RBFOX1: variants seen among roughly 807,000 people sequenced by gnomAD.
RBFOX1 encodes RNA binding protein fox-1 homolog 1.
Under a neutral mutation model 57.7 loss-of-function variants are expected in RBFOX1, and 8 were observed. That is an observed-to-expected ratio of 0.14 (90% confidence interval 0.08 to 0.25). The LOEUF (loss-of-function observed/expected upper bound fraction) is 0.25, where lower values mean the gene tolerates loss of function less well. RBFOX1 is among the 10% of genes least tolerant of loss of function. The pLI is 1.00. For synonymous variants in RBFOX1, 326 were observed against 222.4 expected, an observed-to-expected ratio of 1.47 and a Z score of -4.15; for missense variants, 611 against 548.5, an observed-to-expected ratio of 1.11 and a Z score of -1.14.
rs1567226273 is a variant in RBFOX1, at chr16:5,556,024, A to AAAC, written c.259-42876_259-42875insCAA. Among the ~76,000 whole-genome samples the AAAC allele has an allele frequency of 3.9e-3, 591 of 152,022 alleles. 6 individuals are homozygous for AAAC. Among genetic ancestry groups the AAAC allele is most frequent in the African/African-American group, 0.013 (537 of 41,306 alleles). On this transcript the variant is annotated intron_variant, in intron 2 of 2. Transcript: ENST00000585867. ...CAAGAGAGTGAGACTCTGTCTCAAA[A>AAAC]AAACAAACAAACAAACAAACAAAGA...
intron 4 of RBFOX1, among the ~76,000 whole-genome samples, chr16:7,101,092 A>G (rs2062611800): frequency 6.6e-6 from 1 of 152,248 alleles, no homozygotes; most frequent in African/African-American, 2.4e-5. Context: ...AATAAAAGCT[A>G]GTATTCTCAT....
chr16:6,001,582 A>G lies in RBFOX1; in HGVS notation c.351+134247A>G, dbSNP rs536604191. Among the ~76,000 whole-genome samples the G allele has an allele frequency of 8.5e-5, 13 of 152,306 alleles. No homozygotes were observed. The South Asian group carries it at 2.7e-3, about 32-fold the overall frequency. ...AAGTGCGTAATTAAATATATACAAG[A>G]TGGATTTTAGATACTACAGAGACAA... On this transcript the variant is annotated intron_variant, in intron 4 of 19. Transcript: ENST00000641259.
At chr16:6,943,299 G>A (rs2078883164) in intron 3 of RBFOX1, among the ~76,000 whole-genome samples, 1 of 152,188 alleles carries the variant, frequency 6.6e-6, no homozygotes, top group African/African-American at 2.4e-5. Context: ...TAAAGAGGGT[G>A]TTAAAGCAAA....
At chr16:6,265,397 G>A (rs2074356308) in intron 1 of RBFOX1, among the ~76,000 whole-genome samples, 2 of 151,982 alleles carry the variant, frequency 1.3e-5, no homozygotes, top group Admixed American at 1.3e-4. Context: ...GAGTAGCTGG[G>A]ATTACAGGTG....
intron 4 of RBFOX1, among the ~76,000 whole-genome samples, chr16:7,428,817 A>G (rs1412649091): frequency 6.6e-6 from 1 of 152,030 alleles, no homozygotes; most frequent in Non-Finnish European, 1.5e-5. Context: ...TCTGAGACTC[A>G]GTCTTACTCA....
rs561937540 is a variant in RBFOX1, at chr16:5,405,495, C to T, written c.220-61721C>T. On this transcript the variant is annotated intron_variant, in intron 1 of 2. Coordinates refer to the RBFOX1 transcript ENST00000585867. ...TCCCCAGCCATGTGGAACTGTGAGT[C>T]CATTAAACCTTTTTTTCTTTATAAA... Among the ~76,000 whole-genome samples the T allele has an allele frequency of 2.0e-5, 3 of 152,262 alleles. No individual in the cohort carries two copies. The South Asian group carries it at 6.2e-4, about 32-fold the overall frequency.
At chr16:5,698,154 T>A (rs184905945) in intron 3 of RBFOX1, among the ~76,000 whole-genome samples, 1 of 152,308 alleles carries the variant, frequency 6.6e-6, no homozygotes, top group African/African-American at 2.4e-5. Context: ...TATTTGAGAT[T>A]TTTACATCTG....
At chr16:6,207,392 G>T (rs2097262491) in intron 1 of RBFOX1, among the ~76,000 whole-genome samples, 1 of 152,186 alleles carries the variant, frequency 6.6e-6, no homozygotes, top group Non-Finnish European at 1.5e-5. Flanking sequence ...GCATAATTCA[G>T]AAGCTAAACG....
At position 6,338,888 on chromosome 16, in the gene RBFOX1, G is replaced by T. The variant is rs553515014; in HGVS notation, c.-64+21831G>T. On this transcript the variant is annotated intron_variant, in intron 2 of 15. Transcript: ENST00000550418. Reference sequence around the variant, plus strand: ...ACAATAAAAGTTTTCTTCATTGAATGAATTAGTCAAGAACTCATTCTCATA... The same window carrying T: ...ACAATAAAAGTTTTCTTCATTGAATTAATTAGTCAAGAACTCATTCTCATA... Among the ~76,000 whole-genome samples, 21 of 152,248 alleles carry T rather than the reference G, an allele frequency of 1.4e-4. 1 individual carries two copies. The East Asian group carries it at 4.1e-3, about 29-fold the overall frequency.
chr16:6,019,532 A>C lies in RBFOX1; in HGVS notation c.-587A>C. The stretch of plus-strand genomic sequence containing the variant: ...CGCGGTGGGGCGGGGGCGCTCTGCC[A>C]GCCCCGGGAACAGCAGAGGCGGCGG... On this transcript the variant is annotated 5_prime_UTR_variant, in exon 1 of 16. Coordinates refer to ENST00000550418, the MANE Select transcript of RBFOX1 (RefSeq NM_018723.4). The surrounding 1 kb of genome is among the most constrained non-coding windows in gnomAD (Gnocchi z 4.2). 1.9e-6 allele frequency: 2 copies of C among 1,069,864 alleles called. No homozygotes were observed. The highest frequency in any genetic ancestry group is 1.1e-6 in the Non-Finnish European group (1 of 884,644). 66.3% of individuals were successfully genotyped at this position (1,069,864 alleles called of 1,614,324 possible).
At chr16:6,512,958 G>A (rs2096284138) in intron 2 of RBFOX1, among the ~76,000 whole-genome samples, 1 of 152,098 alleles carries the variant, frequency 6.6e-6, no homozygotes, top group African/African-American at 2.4e-5. Context: ...GTTTTGTATT[G>A]GGATGGAAAG....
chr16:6,940,877 G>GTGTT (rs2078307444), intron 3 of RBFOX1, among the ~76,000 whole-genome samples: 1 of 142,050 alleles, frequency 7.0e-6, no homozygotes, highest in Non-Finnish European at 1.5e-5. Context: ...GTGTGTGTGT[G>GTGTT]TGTGTGTGTG....
intron 4 of RBFOX1, among the ~76,000 whole-genome samples, chr16:7,415,192 T>C (rs1384870217): frequency 6.6e-6 from 1 of 152,244 alleles, no homozygotes. Context: ...ATCCTGGCTG[T>C]GCCTTCAAAT....
chr16:7,132,141 C>A (rs946870134), intron 4 of RBFOX1, among the ~76,000 whole-genome samples: 9 of 151,774 alleles, frequency 5.9e-5, no homozygotes, highest in African/African-American at 1.9e-4. Context: ...CCACCATGCC[C>A]AGCTAATTTT....
chr16:6,020,239 C>G (rs1235456563), intron 1 of RBFOX1, among the ~76,000 whole-genome samples: 1 of 151,988 alleles, frequency 6.6e-6, no homozygotes, highest in Non-Finnish European at 1.5e-5. Flanking sequence ...CCTTCCTTGC[C>G]CCAGAGCGCC....
chr16:6,718,438 GC>G (rs1378705903), intron 3 of RBFOX1, among the ~76,000 whole-genome samples: 1 of 152,192 alleles, frequency 6.6e-6, no homozygotes, highest in Non-Finnish European at 1.5e-5. Flanking sequence ...ACAAGGTAAT[GC>G]GAGTAAGAGT....
chr16:7,194,535 A>C (rs1251960673), intron 4 of RBFOX1, among the ~76,000 whole-genome samples: 1 of 152,214 alleles, frequency 6.6e-6, no homozygotes, highest in Non-Finnish European at 1.5e-5. Context: ...ATTACCAAAC[A>C]GATACTCATT....
chr16:5,467,179 T>C lies in RBFOX1; in HGVS notation c.220-37T>C, dbSNP rs903551069. The C allele has an allele frequency of 7.7e-6, 11 of 1,434,186 alleles. No individual in the cohort carries two copies. The African/African-American group carries it at 1.7e-4, about 22-fold the overall frequency. The allele number at this position is 1,434,186 out of a possible 1,614,324, so 88.8% of individuals were successfully genotyped here. A position where few individuals can be genotyped will look rare whatever the true frequency, so the allele number is the denominator to read the frequency against. On this transcript the variant is annotated intron_variant, in intron 1 of 2. Transcript: ENST00000585867. ...CAATGTAGACTCAATGTTTCTTCTC[T>C]CTCTCTCTCTCTCTCTCTTTTTTTT...
At chr16:6,473,813 A>C (rs1268892057) in intron 2 of RBFOX1, among the ~76,000 whole-genome samples, 2 of 152,140 alleles carry the variant, frequency 1.3e-5, no homozygotes, top group Non-Finnish European at 2.9e-5. Context: ...GCTAAGTAGA[A>C]AGGGGTGTTC....
Sources: gnomAD v4.1 joint callset for allele counts (sites outside exome capture counted in the v4.1 genomes callset) on GRCh38, gnomAD v4.1.1 for gene constraint, Gnocchi (gnomAD v3.1) non-coding constraint, MANE v1.5 for transcripts, NCBI Gene and HGNC (gene_info 2026-07-23, HGNC 2026-07-21) for gene names.